The following LIX1L variants were observed in gnomAD, a reference collection of about 807,000 sequenced individuals.
LIX1L encodes the protein LIX1-like protein.
A neutral mutation model predicts 34.0 loss-of-function variants in LIX1L; 20 were observed. The observed-to-expected ratio is 0.59, with a 90% CI of 0.41 to 0.85. The LOEUF is 0.85. LIX1L is among the 40% of genes least tolerant of loss of function. The probability of loss-of-function intolerance (pLI) is 0.00; values close to 1 mark genes in which losing one functional copy is unlikely to be tolerated. For synonymous variants in LIX1L, 170 were observed against 187.4 expected (o/e 0.91, Z 0.76); for missense variants, 397 against 447.0 (o/e 0.89, Z 1.01).
rs1180507784 is a variant in LIX1L at position 145,935,683 on chromosome 1, T to A, written c.*627A>T. 6.5e-6 allele frequency: 1 copy of A among 153,642 alleles called. No homozygotes were observed. Among genetic ancestry groups the A allele is most frequent in the Non-Finnish European group, 1.4e-5 (1 of 69,086 alleles). The allele number at this position is 153,642 out of a possible 1,614,324, so 9.5% of individuals were successfully genotyped here. The stretch of plus-strand genomic sequence containing the variant: ...AAGCAACTTAGGTAGTAAACTCCCA[T>A]GAATTGTTTGTAATTTATCTTGTCC... On this transcript the variant is annotated 3_prime_UTR_variant, in exon 6 of 6. Transcript: ENST00000604000.
At chr1:145,939,074 A>T (rs587649225) in intron 3 of LIX1L, among the ~76,000 whole-genome samples, 53 of 151,090 alleles carry the variant, frequency 3.5e-4, no homozygotes, top group African/African-American at 1.3e-3. Flanking sequence ...TCTCCCCAGG[A>T]TCAAGTGATC....
Position 145,934,947 on chromosome 1 carries a change from A to C in LIX1L, c.*1363T>G, listed in dbSNP as rs587692341. The stretch of plus-strand genomic sequence containing the variant: ...TTTGGGAGGCTGAGGCGGGTGGATT[A>C]CCTTATGTCAGGAGTTCAAGAACAG... On this transcript the variant is annotated 3_prime_UTR_variant, in exon 6 of 6. Transcript: ENST00000604000. The C allele has an allele frequency of 1.3e-4, 20 of 152,184 alleles. No individual in the cohort carries two copies. The East Asian group carries it at 2.5e-3, about 19-fold the overall frequency. The allele number at this position is 152,184 out of a possible 1,614,324, so 9.4% of individuals were successfully genotyped here.
intron 2 of LIX1L, chr1:145,947,336 C>A: frequency 2.9e-6 from 1 of 347,436 alleles, no homozygotes; most frequent in African/African-American, 2.0e-5. Flanking sequence ...TAACTGAAGC[C>A]AGATTGGAAC....
Position 145,939,305 on chromosome 1 carries a change from A to AT in LIX1L, c.598-1607dup, listed in dbSNP as rs61153888. 9.1e-3 allele frequency among the ~76,000 whole-genome samples: 1,252 copies of AT among 137,434 alleles called. 18 individuals carry two copies. Among genetic ancestry groups the AT allele is most frequent in the South Asian group, 0.052 (225 of 4,300 alleles). The allele number at this position is 137,434 out of a possible 152,430, so 90.2% of individuals were successfully genotyped here. On this transcript the variant is annotated intron_variant, in intron 3 of 5. Coordinates refer to ENST00000604000, the MANE Select transcript of LIX1L (RefSeq NM_153713.3). ...CCCAAAGGAAGACTATGGAACCATA[A>AT]TTTTTTTTTTTTTTTTTTGAGATGA...
Position 145,957,747 on chromosome 1 carries a change from C to T in LIX1L, c.181G>A (p.Ala61Thr), listed in dbSNP as rs587627164. 1.5e-5 allele frequency: 21 copies of T among 1,407,822 alleles called. No homozygotes were observed. The highest frequency in any genetic ancestry group is 1.0e-4 in the Admixed American group (3 of 29,904). 87.2% of individuals were successfully genotyped at this position (1,407,822 alleles called of 1,614,324 possible). The change falls in exon 1 of 6, where the codon GCC becomes ACC. Residue 61 changes from alanine (A) to threonine (T), a missense_variant. By Grantham distance (58) the Ala-to-Thr change is moderately conservative. This residue lies in a region of LIX1L where 207 missense variants were observed against 205.2 expected (regional missense o/e 1.01). Transcript: ENST00000604000. ...PPPPPLLLSG[A>T]PGLPLPPGAA... ...CCGGGGGGCAGGGGTAGTCCTGGGGCCCCAGACAGGAGCAGCGGCGGCGGG... is the reference window on the plus strand; with the variant it reads ...CCGGGGGGCAGGGGTAGTCCTGGGGTCCCAGACAGGAGCAGCGGCGGCGGG...
intron 2 of LIX1L, chr1:145,947,289 T>C (rs1404624009): frequency 7.3e-6 from 2 of 272,324 alleles, no homozygotes; most frequent in Non-Finnish European, 1.4e-5. Context: ...TATTGTTCTA[T>C]ATCCTCAATA....
At position 145,948,027 on chromosome 1, in the gene LIX1L, A is replaced by T. The variant is rs587655694; in HGVS notation, c.293-245T>A. ...CTGGTTCACATTTTATTTTATTTAA[A>T]TTTTTTTTTCACTCCCACCTCCAAT... On this transcript the variant is annotated intron_variant, in intron 1 of 5. Transcript: ENST00000604000. This position sits in a 1 kb window ranked among gnomAD's most constrained non-coding sequence, Gnocchi z 4.0. Among the ~76,000 whole-genome samples, 78 of 151,512 alleles carry T rather than the reference A, an allele frequency of 5.1e-4. No homozygotes were observed. In the South Asian group the frequency reaches 0.016, roughly 31 times the overall value.
intron 1 of LIX1L, among the ~76,000 whole-genome samples, chr1:145,956,644 T>C (rs1221598929): frequency 6.6e-6 from 1 of 152,168 alleles, no homozygotes; most frequent in Non-Finnish European, 1.5e-5. Flanking sequence ...ATATAGTCAC[T>C]TCCAGGTCAG....
In LIX1L at chr1:145,947,649, C is replaced by G; in HGVS notation, c.426G>C (p.Leu142=). Reference sequence around the variant, plus strand: ...AACTCCCAAAGCAGCTTCCCCCAGGCAGGGTGACATAGCAGACATAAGGAG... The same window carrying G: ...AACTCCCAAAGCAGCTTCCCCCAGGGAGGGTGACATAGCAGACATAAGGAG... ...NSPPYVCYVT[L]PGGSCFGSFQ... The change falls in exon 2 of 6, where the codon CTG becomes CTC. Residue 142 remains leucine (L), a synonymous_variant. Coordinates refer to ENST00000604000, the MANE Select transcript of LIX1L (RefSeq NM_153713.3). 1 of 1,614,120 alleles carries G rather than the reference C, an allele frequency of 6.2e-7. No individual in the cohort carries two copies. Among genetic ancestry groups the G allele is most frequent in the Non-Finnish European group, 8.5e-7 (1 of 1,180,000 alleles).
intron 3 of LIX1L, among the ~76,000 whole-genome samples, chr1:145,941,719 A>T (rs1305579226): frequency 6.6e-6 from 1 of 152,198 alleles, no homozygotes; most frequent in Non-Finnish European, 1.5e-5. Flanking sequence ...TATCATGTTA[A>T]GCAACATTCC....
At chr1:145,953,890 C>CA (rs1400835974) in intron 1 of LIX1L, among the ~76,000 whole-genome samples, 7 of 152,000 alleles carry the variant, frequency 4.6e-5, no homozygotes, top group Admixed American at 4.6e-4. Context: ...CTCATCTCTA[C>CA]AAAAAAATTT....
chr1:145,936,591 A>G (rs782284095), intron 5 of LIX1L, 39 bp from the exon 6 acceptor site: 15 of 1,611,412 alleles, frequency 9.3e-6, no homozygotes, highest in Non-Finnish European at 1.2e-5. Flanking sequence ...TTGAGAAGGT[A>G]AAGGTTCATA....
At chr1:145,949,201 G>A (rs782226605) in intron 1 of LIX1L, 1 of 152,218 alleles carries the variant, frequency 6.6e-6, no homozygotes, top group Non-Finnish European at 1.5e-5. Flanking sequence ...GTAGCCTACA[G>A]TGTAAAGAGG....
chr1:145,940,332 T>G (rs1203767054), intron 3 of LIX1L, among the ~76,000 whole-genome samples: 1 of 151,492 alleles, frequency 6.6e-6, no homozygotes, highest in African/African-American at 2.4e-5. Flanking sequence ...AGTTTCTTTT[T>G]TTTTCCTTTC....
In LIX1L at chr1:145,937,816, T is replaced by C. The variant is rs1191193090; in HGVS notation, c.598-117A>G. The C allele has an allele frequency of 1.0e-5, 7 of 679,054 alleles. No individual in the cohort carries two copies. The African/African-American group carries it at 1.3e-4, about 12-fold the overall frequency. 42.1% of individuals were successfully genotyped at this position (679,054 alleles called of 1,614,324 possible). On this transcript the variant is annotated intron_variant, in intron 3 of 5. Transcript: ENST00000604000. ...CATATTTAATTCAAAATTTCCTCTC[T>C]GCCACATTAAAGTAAAAATAAAGAG...
intron 4 of LIX1L, chr1:145,937,362 G>C (rs1022925371): frequency 3.1e-6 from 1 of 320,298 alleles, no homozygotes. Context: ...AGTAGAAACG[G>C]GGCTTTGCCA....
intron 2 of LIX1L, 58 bp from the exon 3 acceptor site, chr1:145,942,911 G>A: frequency 1.3e-6 from 2 of 1,537,540 alleles, no homozygotes; most frequent in East Asian, 2.3e-5. Flanking sequence ...AGAGAGGAAG[G>A]AACAGTGGGA....
intron 1 of LIX1L, among the ~76,000 whole-genome samples, chr1:145,953,979 G>T (rs1223837170): frequency 6.6e-6 from 1 of 151,956 alleles, no homozygotes; most frequent in Non-Finnish European, 1.5e-5. Context: ...AGGATCACTG[G>T]AGCCCAGCAG....
chr1:145,944,354 G>C (rs1192851550), intron 2 of LIX1L, among the ~76,000 whole-genome samples: 1 of 152,090 alleles, frequency 6.6e-6, no homozygotes, highest in Non-Finnish European at 1.5e-5. Flanking sequence ...GCACAACTCT[G>C]TCTTAAAAAA....
Sources: gnomAD v4.1 joint callset for allele counts (sites outside exome capture counted in the v4.1 genomes callset) on GRCh38, gnomAD v4.1.1 for gene constraint, gnomAD v4.1.1 regional missense constraint, Gnocchi (gnomAD v3.1) non-coding constraint, MANE v1.5 for transcripts, NCBI Gene and HGNC (gene_info 2026-07-23, HGNC 2026-07-21) for gene names.